Variants in FAM193B observed in about 807,000 individuals in gnomAD.
FAM193B encodes family with sequence similarity 193 member B, also known as protein FAM193B.
A neutral mutation model predicts 70.7 loss-of-function variants in FAM193B; 27 were observed. That is an observed-to-expected ratio of 0.38 (90% CI 0.28 to 0.53). FAM193B has a LOEUF of 0.53. Among genes scored for constraint, FAM193B ranks in the 20% least tolerant of loss-of-function variants. The pLI is 0.81. For synonymous variants in FAM193B, 448 were observed against 436.0 expected, an observed-to-expected ratio of 1.03 and a Z score of -0.34; for missense variants, 1,022 against 1,072.5, an observed-to-expected ratio of 0.95 and a Z score of 0.66.
chr5:177,541,551 C>T (rs112166112), intron 1 of FAM193B, among the ~76,000 whole-genome samples: 8 of 152,132 alleles, frequency 5.3e-5, no homozygotes, highest in Non-Finnish European at 8.8e-5. Context: ...CCCGAGTAGC[C>T]GGGACTACAG....
intron 5 of FAM193B, among the ~76,000 whole-genome samples, chr5:177,528,670 G>C (rs1762993791): frequency 1.3e-5 from 2 of 152,240 alleles, no homozygotes; most frequent in South Asian, 2.1e-4. Flanking sequence ...GAAATAAAAA[G>C]TGAGGCTATT....
At chr5:177,547,760 T>TAG (rs1765639572) in intron 1 of FAM193B, among the ~76,000 whole-genome samples, 1 of 152,164 alleles carries the variant, frequency 6.6e-6, no homozygotes, top group African/African-American at 2.4e-5. Flanking sequence ...TCACAGTAGA[T>TAG]AGATCTACTC....
At chr5:177,541,468 G>C (rs1041274180) in intron 1 of FAM193B, among the ~76,000 whole-genome samples, 29 of 152,154 alleles carry the variant, frequency 1.9e-4, no homozygotes, top group Non-Finnish European at 3.4e-4. Context: ...GCCCAGGCTG[G>C]AGTGCAGTGG....
In FAM193B at chr5:177,554,473, C is replaced by A; in HGVS notation, c.-15G>T. The A allele has an allele frequency of 2.2e-6, 2 of 904,600 alleles. No individual in the cohort carries two copies. Among genetic ancestry groups the A allele is most frequent in the Non-Finnish European group, 2.5e-6 (2 of 800,010 alleles). The allele number at this position is 904,600 out of a possible 1,614,324, so 56.0% of individuals were successfully genotyped here. On this transcript the variant is annotated 5_prime_UTR_variant, in exon 1 of 9. Transcript: ENST00000514747. ...CTCCGCGTCATGCCGCCGCTCGCGC[C>A]GCTCCCTCGCTCCACACGCCGCCGC...
chr5:177,533,131 C>A lies in FAM193B; in HGVS notation c.1077-490G>T, dbSNP rs147499843. On this transcript the variant is annotated intron_variant, in intron 4 of 8. Coordinates refer to ENST00000514747, the MANE Select transcript of FAM193B (RefSeq NM_001190946.3). ...GAAGGCTCCTCTGGAACACTCAGGG[C>A]TATCCATGAGGCCAGTCTCCTTTCA... 3.9e-5 allele frequency among the ~76,000 whole-genome samples: 6 copies of A among 152,246 alleles called. No individual in the cohort carries two copies. The East Asian group carries it at 9.7e-4, about 25-fold the overall frequency.
At position 177,524,218 on chromosome 5, in the gene FAM193B, G is replaced by A. The variant is rs1280455989; in HGVS notation, c.2263C>T (p.Arg755Cys). The change falls in exon 6 of 9, where the codon CGC (arginine) becomes TGC (cysteine). Residue 755 changes from arginine (R) to cysteine (C), a missense_variant. Physicochemically the swap from Arg to Cys is radical, Grantham distance 180. Transcript: ENST00000514747. ...PQGKGRSRRS[R>C]NKQEKPASSL... is the part of the protein sequence containing the mutation. ...GAGGCTGGCTTCTCCTGCTTGTTGC[G>A]GCTCCGGCGGCTGCGGCCCTTGCCC... The A allele has an allele frequency of 5.2e-6, 8 of 1,546,232 alleles. No individual in the cohort carries two copies. The highest frequency in any genetic ancestry group is 2.5e-5 in the South Asian group (2 of 80,996).
At chr5:177,544,356 T>C (rs557657721) in intron 1 of FAM193B, among the ~76,000 whole-genome samples, 2 of 152,310 alleles carry the variant, frequency 1.3e-5, no homozygotes, top group African/African-American at 4.8e-5. Flanking sequence ...GGCATTCTAG[T>C]TTTTCCTGGA....
chr5:177,542,024 T>C (rs2127479744), intron 1 of FAM193B, among the ~76,000 whole-genome samples: 1 of 152,370 alleles, frequency 6.6e-6, no homozygotes, highest in African/African-American at 2.4e-5. Flanking sequence ...CCTTGAATAT[T>C]TTCTATCCAC....
rs1554123264 is a variant in FAM193B at position 177,554,489 on chromosome 5, A to ACGCCGCCGCCGCCGCCGCCGCCGC, written c.-55_-32dup. The ACGCCGCCGCCGCCGCCGCCGCCGC allele has an allele frequency of 1.7e-6, 1 of 601,182 alleles. No individual in the cohort carries two copies. The highest frequency in any genetic ancestry group is 2.3e-5 in the African/African-American group (1 of 42,606). 37.2% of individuals were successfully genotyped at this position (601,182 alleles called of 1,614,324 possible). On this transcript the variant is annotated 5_prime_UTR_variant, in exon 1 of 9. Coordinates refer to ENST00000514747, the MANE Select transcript of FAM193B (RefSeq NM_001190946.3). ...CGCTCGCGCCGCTCCCTCGCTCCAC[A>ACGCCGCCGCCGCCGCCGCCGCCGC]CGCCGCCGCCGCCGCCGCCGCCGCC...
At chr5:177,529,492 G>C (rs1345593333) in intron 5 of FAM193B, among the ~76,000 whole-genome samples, 1 of 152,106 alleles carries the variant, frequency 6.6e-6, no homozygotes, top group Non-Finnish European at 1.5e-5. Flanking sequence ...GACTAAGTCT[G>C]GAAAGGCAGG....
At chr5:177,537,789 A>G (rs1263883313) in intron 3 of FAM193B, 84 bp downstream of exon 3, 1 of 1,476,406 alleles carries the variant, frequency 6.8e-7, no homozygotes, top group Non-Finnish European at 9.0e-7. Context: ...AACCAGTCTT[A>G]TGATTTGTTT....
rs1314704623 is a variant in FAM193B, at chr5:177,532,393, C to T, written c.1275+50G>A. 1.3e-6 allele frequency: 2 copies of T among 1,565,700 alleles called. No homozygotes were observed. The highest frequency in any genetic ancestry group is 1.7e-6 in the Non-Finnish European group (2 of 1,159,314). ...TGGGGAGAGCAGGGTGCTCCTTTTGCTCACCTTGGCTGGCCCCCAGCCCTC... is the reference window on the plus strand; with the variant it reads ...TGGGGAGAGCAGGGTGCTCCTTTTGTTCACCTTGGCTGGCCCCCAGCCCTC... On this transcript the variant is annotated intron_variant, in intron 5 of 8. Coordinates refer to ENST00000514747, the MANE Select transcript of FAM193B (RefSeq NM_001190946.3). This position sits in a 1 kb window ranked among gnomAD's most constrained non-coding sequence, Gnocchi z 4.9.
chr5:177,554,394 C>T lies in FAM193B; in HGVS notation c.65G>A (p.Gly22Glu). 8.6e-7 allele frequency: 1 copy of T among 1,166,854 alleles called. No homozygotes were observed. Among genetic ancestry groups the T allele is most frequent in the Non-Finnish European group, 1.1e-6 (1 of 946,980 alleles). 72.3% of individuals were successfully genotyped at this position (1,166,854 alleles called of 1,614,324 possible). The change falls in exon 1 of 9, where the codon GGG becomes GAG. Residue 22 changes from glycine (G) to glutamate (E), a missense_variant. Physicochemically the swap from Gly to Glu is moderately conservative, Grantham distance 98 (BLOSUM62 -2). Transcript: ENST00000514747. ...AGRRERARAA[G>E]PQKPQAPEPP... ...CTCGGGCGCCTGGGGCTTCTGCGGC[C>T]CCGCGGCCCGAGCCCGCTCGCGCCT... is the stretch of plus-strand genomic sequence containing the variant.
At chr5:177,531,272 C>T in intron 5 of FAM193B, 1 of 1,295,750 alleles carries the variant, frequency 7.7e-7, no homozygotes, top group Non-Finnish European at 1.0e-6. Context: ...TGGGCTCTCC[C>T]TACACCCACC....
At chr5:177,521,218 A>G (rs1223330852) in intron 8 of FAM193B, among the ~76,000 whole-genome samples, 1 of 152,188 alleles carries the variant, frequency 6.6e-6, no homozygotes, top group African/African-American at 2.4e-5. Flanking sequence ...CTCAGCCCCC[A>G]GCCCAAGGTC....
In FAM193B at chr5:177,538,124, A is replaced by G. The variant is rs1046135630; in HGVS notation, c.454-17T>C. 3.3e-6 allele frequency: 5 copies of G among 1,520,006 alleles called. No homozygotes were observed. In the African/African-American group the frequency reaches 6.9e-5, roughly 21 times the overall value. 94.2% of individuals were successfully genotyped at this position (1,520,006 alleles called of 1,614,324 possible). On this transcript the variant is annotated splice_polypyrimidine_tract_variant and intron_variant, in intron 2 of 8. Coordinates refer to ENST00000514747, the MANE Select transcript of FAM193B (RefSeq NM_001190946.3). This position sits in a 1 kb window ranked among gnomAD's most constrained non-coding sequence, Gnocchi z 4.1. ...CAAGGAGATCTGGAGAAGGGGGAGGAAAAAGGCTCACGGTCAAACAGCAAA... is the reference window on the plus strand; with the variant it reads ...CAAGGAGATCTGGAGAAGGGGGAGGGAAAAGGCTCACGGTCAAACAGCAAA...
intron 1 of FAM193B, among the ~76,000 whole-genome samples, chr5:177,540,362 T>C (rs1319771209): frequency 3.3e-5 from 5 of 151,604 alleles, no homozygotes; most frequent in African/African-American, 4.8e-5. Context: ...TGCTTTCACA[T>C]TGAGGGGTCC....
Position 177,523,997 on chromosome 5 carries a change from C to T in FAM193B, c.2332G>A (p.Glu778Lys). The T allele has an allele frequency of 1.9e-6, 3 of 1,614,094 alleles. No homozygotes were observed. The highest frequency in any genetic ancestry group is 2.5e-6 in the Non-Finnish European group (3 of 1,179,916). Residue 778 changes from glutamate to lysine, a missense_variant, in exon 7 of 9, where the codon GAG becomes AAG. Glu to Lys is a moderately conservative substitution (Grantham distance 56). Transcript: ENST00000514747. ...ACCTCTCGGTCAGTCTCATCCATCT[C>T]CACCCCGTCCATGTCCTTGGGCAGG... is the stretch of plus-strand genomic sequence containing the variant. ...VFLPKDMDGV[E>K]MDETDREVEY...
At chr5:177,534,741 C>T (rs1169817289) in intron 4 of FAM193B, among the ~76,000 whole-genome samples, 4 of 152,160 alleles carry the variant, frequency 2.6e-5, no homozygotes, top group Non-Finnish European at 5.9e-5. Context: ...GCCCCCGCAA[C>T]CTAAGTAGCT....
Sources: gnomAD v4.1 joint callset for allele counts (sites outside exome capture counted in the v4.1 genomes callset) on GRCh38, gnomAD v4.1.1 for gene constraint, Gnocchi (gnomAD v3.1) non-coding constraint, MANE v1.5 for transcripts, NCBI Gene and HGNC (gene_info 2026-07-23, HGNC 2026-07-21) for gene names.